LPP: variants seen among roughly 807,000 people sequenced by gnomAD.
LPP encodes lipoma-preferred partner.
In LPP, 38 loss-of-function variants were observed where a neutral mutation model predicts 60.4. The observed-to-expected ratio is 0.63, with a 90% CI of 0.49 to 0.83. The LOEUF is 0.83. LPP is among the 40% of genes least tolerant of loss of function. The probability of loss-of-function intolerance (pLI) is 0.00; values close to 1 mark genes in which losing one functional copy is unlikely to be tolerated. For synonymous variants in LPP, 328 were observed against 290.8 expected (o/e 1.13, Z -1.30); for missense variants, 902 against 783.6 (o/e 1.15, Z -1.80).
In LPP at chr3:188,881,742, C is replaced by A. The variant is rs1434065901; in HGVS notation, c.*7263C>A. On this transcript the variant is annotated 3_prime_UTR_variant, in exon 12 of 12. Coordinates refer to ENST00000617246, the MANE Select transcript of LPP (RefSeq NM_001375462.1). The stretch of plus-strand genomic sequence containing the variant: ...TGGGTCAGTTCATATTCCATTCAAC[C>A]TTTTCCTTTTATCCTTGTCTTCTTC... 3.2e-5 allele frequency: 7 copies of A among 221,692 alleles called. No individual in the cohort carries two copies. Among genetic ancestry groups the A allele is most frequent in the African/African-American group, 1.6e-4 (7 of 44,768 alleles). 13.7% of individuals were successfully genotyped at this position (221,692 alleles called of 1,614,324 possible). A position where few individuals can be genotyped will look rare whatever the true frequency, so the allele number is the denominator to read the frequency against.
In LPP at chr3:188,352,034, G is replaced by T. The variant is rs950050304; in HGVS notation, c.-10+10315G>T. Among the ~76,000 whole-genome samples, 1 of 152,044 alleles carries T rather than the reference G, an allele frequency of 6.6e-6. No individual in the cohort carries two copies. ...TTCCCTAGCTAGCCTCGACCTCAACGTGTATTATTTCCTCCCCCCTTGTCA... is the reference window on the plus strand; with the variant it reads ...TTCCCTAGCTAGCCTCGACCTCAACTTGTATTATTTCCTCCCCCCTTGTCA... On this transcript the variant is annotated intron_variant, in intron 3 of 11. Coordinates refer to ENST00000617246, the MANE Select transcript of LPP (RefSeq NM_001375462.1). The surrounding 1 kb of genome is among the most constrained non-coding windows in gnomAD (Gnocchi z 4.4).
At chr3:188,653,557 C>T (rs1852517875) in intron 7 of LPP, among the ~76,000 whole-genome samples, 1 of 151,744 alleles carries the variant, frequency 6.6e-6, no homozygotes, top group Non-Finnish European at 1.5e-5. Flanking sequence ...AATAGATGGT[C>T]CAGTTTGGAG....
intron 2 of LPP, among the ~76,000 whole-genome samples, chr3:188,240,866 A>C (rs542429747): frequency 2.0e-5 from 3 of 152,290 alleles, no homozygotes; most frequent in African/African-American, 7.2e-5. Flanking sequence ...CCTATTGGCT[A>C]TATTAAAGTA....
intron 9 of LPP, among the ~76,000 whole-genome samples, chr3:188,772,776 A>C (rs1161215738): frequency 1.3e-5 from 2 of 152,054 alleles, no homozygotes; most frequent in Non-Finnish European, 2.9e-5. Context: ...AGTGCTTATC[A>C]TAATAGGTGA....
chr3:188,370,085 A>G (rs1772548806), intron 3 of LPP, among the ~76,000 whole-genome samples: 1 of 151,950 alleles, frequency 6.6e-6, no homozygotes. Context: ...CTACCACCAC[A>G]CCCAGCTAAT....
chr3:188,726,945 A>G (rs1281786393), intron 8 of LPP, among the ~76,000 whole-genome samples: 7 of 152,210 alleles, frequency 4.6e-5, no homozygotes, highest in Non-Finnish European at 7.4e-5. Flanking sequence ...AGTTTGAATT[A>G]GAAAGTCACA....
intron 6 of LPP, among the ~76,000 whole-genome samples, chr3:188,602,181 T>C (rs369402780): frequency 7.4e-6 from 1 of 135,004 alleles, no homozygotes; most frequent in Non-Finnish European, 1.6e-5. Context: ...ATATATTATA[T>C]ATATATATGA....
intron 3 of LPP, among the ~76,000 whole-genome samples, chr3:188,364,890 G>A (rs1359680317): frequency 1.3e-5 from 2 of 151,732 alleles, no homozygotes; most frequent in African/African-American, 4.8e-5. Flanking sequence ...AATGAACAGA[G>A]GAAGAAGCCC....
intron 5 of LPP, among the ~76,000 whole-genome samples, chr3:188,523,881 T>A (rs1457659321): frequency 2.6e-5 from 4 of 152,234 alleles, no homozygotes; most frequent in African/African-American, 9.6e-5. Context: ...CTCCAAATAC[T>A]AGGGTCATCT....
intron 9 of LPP, among the ~76,000 whole-genome samples, chr3:188,805,993 G>A (rs1287757896): frequency 6.6e-6 from 1 of 151,864 alleles, no homozygotes; most frequent in Middle Eastern, 3.4e-3. Context: ...TTATGTGCTA[G>A]AAATATGGTA....
intron 6 of LPP, among the ~76,000 whole-genome samples, chr3:188,544,968 A>G (rs1826169949): frequency 2.5e-5 from 1 of 39,856 alleles, no homozygotes; most frequent in Non-Finnish European, 4.7e-5. Flanking sequence ...CATGGATGAA[A>G]TTGGAAACCA....
At chr3:188,811,088 G>A (rs2151308963) in intron 9 of LPP, among the ~76,000 whole-genome samples, 1 of 151,962 alleles carries the variant, frequency 6.6e-6, no homozygotes, top group Admixed American at 6.6e-5. Flanking sequence ...ATGAGTTATA[G>A]GGTATATATA....
intron 2 of LPP, among the ~76,000 whole-genome samples, chr3:188,234,204 G>C (rs4610215): frequency 6.6e-6 from 1 of 152,160 alleles, no homozygotes; most frequent in Non-Finnish European, 1.5e-5. Flanking sequence ...AAATGACTTA[G>C]AGGAATGGGG....
At chr3:188,510,610 A>G (rs1815165464) in intron 5 of LPP, among the ~76,000 whole-genome samples, 1 of 152,174 alleles carries the variant, frequency 6.6e-6, no homozygotes, top group African/African-American at 2.4e-5. Context: ...TCCTTTAGAT[A>G]TCAGCACCTT....
chr3:188,235,153 G>T (rs924046049), intron 2 of LPP, among the ~76,000 whole-genome samples: 1 of 152,194 alleles, frequency 6.6e-6, no homozygotes, highest in Admixed American at 6.5e-5. Flanking sequence ...AAAGGGGCAG[G>T]AGGAGGAGAG....
At chr3:188,838,642 G>A (rs549190473) in intron 9 of LPP, among the ~76,000 whole-genome samples, 183 of 152,238 alleles carry the variant, frequency 1.2e-3, no homozygotes, top group Middle Eastern at 3.4e-3. Context: ...TAAAGAAAAT[G>A]TGGCACATAC....
chr3:188,791,268 T>C (rs116621851), intron 9 of LPP, among the ~76,000 whole-genome samples: 5,151 of 152,256 alleles, frequency 0.034, 180 homozygotes, highest in African/African-American at 0.093. Flanking sequence ...ATTTCTATGC[T>C]TTTCTCTTAC....
intron 7 of LPP, among the ~76,000 whole-genome samples, chr3:188,615,859 T>A (rs1844746151): frequency 6.6e-6 from 1 of 152,218 alleles, no homozygotes; most frequent in South Asian, 2.1e-4. Context: ...TTTTTTCATA[T>A]GTTTGTTGAC....
chr3:188,675,507 A>G (rs1014147976), intron 7 of LPP, among the ~76,000 whole-genome samples: 2 of 152,192 alleles, frequency 1.3e-5, no homozygotes, highest in African/African-American at 4.8e-5. Context: ...TGGATGATGT[A>G]TGTTTGTATA....
Sources: gnomAD v4.1 joint callset for allele counts (sites outside exome capture counted in the v4.1 genomes callset) on GRCh38, gnomAD v4.1.1 for gene constraint, Gnocchi (gnomAD v3.1) non-coding constraint, MANE v1.5 for transcripts, NCBI Gene and HGNC (gene_info 2026-07-23, HGNC 2026-07-21) for gene names.